EBF3: variants seen among roughly 807,000 people sequenced by gnomAD.
EBF3 encodes EBF transcription factor 3.
A neutral mutation model predicts 77.1 loss-of-function variants in EBF3; 18 were observed. The ratio of observed to expected loss-of-function variants is 0.23; its 90% CI spans 0.16 to 0.35. The LOEUF (loss-of-function observed/expected upper bound fraction) is 0.35, where lower values mean the gene tolerates loss of function less well. Among genes scored for constraint, EBF3 ranks in the 10% least tolerant of loss-of-function variants. EBF3 has a pLI of 1.00. For synonymous variants in EBF3, 350 were observed against 343.5 expected (o/e 1.02, Z -0.21); for missense variants, 558 against 860.0 (o/e 0.65, Z 4.39).
rs1858034424 is a variant in EBF3, at chr10:129,944,544, G to A, written c.554+12714C>T. Among the ~76,000 whole-genome samples the A allele has an allele frequency of 6.6e-6, 1 of 152,168 alleles. No individual in the cohort carries two copies. Among genetic ancestry groups the A allele is most frequent in the African/African-American group, 2.4e-5 (1 of 41,444 alleles). ...CTCTCTTGCCACTGATCCAGCAGAA[G>A]GAAATTTCTGTCATATTTCATTATC... On this transcript the variant is annotated intron_variant, in intron 6 of 16. Transcript: ENST00000440978. This position sits in a 1 kb window ranked among gnomAD's most constrained non-coding sequence, Gnocchi z 5.1.
intron 6 of EBF3, among the ~76,000 whole-genome samples, chr10:129,899,813 C>G (rs1260538416): frequency 6.6e-6 from 1 of 152,200 alleles, no homozygotes; most frequent in Non-Finnish European, 1.5e-5. Flanking sequence ...CAGGATGCTT[C>G]TCTCTCCTCT....
At chr10:129,867,089 T>A in intron 10 of EBF3, 52 bp downstream of exon 10, 18 of 1,585,908 alleles carry the variant, frequency 1.1e-5, no homozygotes, top group East Asian at 2.2e-5. Flanking sequence ...CACCTCCTGG[T>A]GGGGAGGAGG....
intron 6 of EBF3, among the ~76,000 whole-genome samples, chr10:129,890,575 T>C (rs529114140): frequency 6.6e-6 from 1 of 152,370 alleles, no homozygotes; most frequent in East Asian, 1.9e-4. Flanking sequence ...AATATTTTTA[T>C]CATTTGGAAT....
chr10:129,846,355 C>CA (rs890744567), intron 11 of EBF3, among the ~76,000 whole-genome samples: 1 of 151,774 alleles, frequency 6.6e-6, no homozygotes, highest in South Asian at 2.1e-4. Context: ...TACGGAGCTT[C>CA]AAAAAAATTG....
intron 9 of EBF3, 105 bp downstream of exon 9, chr10:129,867,677 G>T: frequency 6.5e-7 from 1 of 1,540,924 alleles, no homozygotes; most frequent in South Asian, 1.2e-5. Flanking sequence ...GTGTTAAAAG[G>T]GGAATTTGCC....
At chr10:129,926,779 G>C (rs970686928) in intron 6 of EBF3, among the ~76,000 whole-genome samples, 2 of 152,250 alleles carry the variant, frequency 1.3e-5, no homozygotes, top group Admixed American at 1.3e-4. Context: ...TGCCTCACTG[G>C]AGGACACACA....
rs1859753432 is a variant in EBF3, at chr10:129,964,156, T to A, written c.-388A>T. On this transcript the variant is annotated 5_prime_UTR_variant, in exon 1 of 17. Transcript: ENST00000440978. The surrounding 1 kb of genome is among the most constrained non-coding windows in gnomAD (Gnocchi z 4.5). ...GCGGCCCGCCTGCTCCAAAGACAAA[T>A]AAACGGGGCAGTGAGTGCTGCGGCG... 2.0e-6 allele frequency: 2 copies of A among 984,686 alleles called. No homozygotes were observed. The highest frequency in any genetic ancestry group is 9.4e-5 in the South Asian group (2 of 21,276). The allele number at this position is 984,686 out of a possible 1,614,324, so 61.0% of individuals were successfully genotyped here. A position where few individuals can be genotyped will look rare whatever the true frequency, so the allele number is the denominator to read the frequency against.
chr10:129,916,103 T>C (rs147969055), intron 6 of EBF3, among the ~76,000 whole-genome samples: 1 of 152,188 alleles, frequency 6.6e-6, no homozygotes, highest in Non-Finnish European at 1.5e-5. Flanking sequence ...CCAGCCATCA[T>C]GGAACAGGAT....
At position 129,836,544 on chromosome 10, in the gene EBF3, A is replaced by AGAT. The variant is rs1564808183; in HGVS notation, c.*1396_*1398dup. ...ACTTTTTTTTCAAAAGTATTTGTTC[A>AGAT]GATAACTTAAAAATAATATAAAAAT... On this transcript the variant is annotated 3_prime_UTR_variant, in exon 17 of 17. Transcript: ENST00000440978. 1 of 152,608 alleles carries AGAT rather than the reference A, an allele frequency of 6.6e-6. No individual in the cohort carries two copies. Among genetic ancestry groups the AGAT allele is most frequent in the African/African-American group, 2.4e-5 (1 of 41,454 alleles). 9.5% of individuals were successfully genotyped at this position (152,608 alleles called of 1,614,324 possible). A position where few individuals can be genotyped will look rare whatever the true frequency, so the allele number is the denominator to read the frequency against.
chr10:129,856,572 A>G (rs940269976), intron 10 of EBF3, among the ~76,000 whole-genome samples: 3 of 152,124 alleles, frequency 2.0e-5, no homozygotes, highest in African/African-American at 7.2e-5. Flanking sequence ...GCCAGGAGCT[A>G]GGGGAGGGCA....
Position 129,879,003 on chromosome 10 carries a change from T to A in EBF3, c.555-1154A>T, listed in dbSNP as rs1853008555. On this transcript the variant is annotated intron_variant, in intron 6 of 16. Transcript: ENST00000440978. This position sits in a 1 kb window ranked among gnomAD's most constrained non-coding sequence, Gnocchi z 4.7. ...TTCCATTTCCCGCCATGCCTTGCCC[T>A]TATGTTTCATGGCATGAAGATTCAG... 6.6e-6 allele frequency among the ~76,000 whole-genome samples: 1 copy of A among 152,124 alleles called. No individual in the cohort carries two copies. The highest frequency in any genetic ancestry group is 2.1e-4 in the South Asian group (1 of 4,822).
chr10:129,890,344 T>C (rs1163796851), intron 6 of EBF3, among the ~76,000 whole-genome samples: 1 of 152,176 alleles, frequency 6.6e-6, no homozygotes, highest in Non-Finnish European at 1.5e-5. Context: ...CAGGCCAGCA[T>C]CGAGATCCCA....
chr10:129,883,605 G>A (rs889925463), intron 6 of EBF3, among the ~76,000 whole-genome samples: 1 of 152,170 alleles, frequency 6.6e-6, no homozygotes, highest in Non-Finnish European at 1.5e-5. Flanking sequence ...GTTCCTGGGG[G>A]CTGCAGAGAG....
rs1589947141 is a variant in EBF3 at position 129,952,167 on chromosome 10, C to T, written c.554+5091G>A. Among the ~76,000 whole-genome samples, 1 of 152,312 alleles carries T rather than the reference C, an allele frequency of 6.6e-6. No individual in the cohort carries two copies. Among genetic ancestry groups the T allele is most frequent in the East Asian group, 1.9e-4 (1 of 5,176 alleles). On this transcript the variant is annotated intron_variant, in intron 6 of 16. Coordinates refer to ENST00000440978, the MANE Select transcript of EBF3 (RefSeq NM_001375380.1). This position sits in a 1 kb window ranked among gnomAD's most constrained non-coding sequence, Gnocchi z 4.7. ...ACCAAAGAGCATCTCCAATGCACAG[C>T]CTCCGCCAAGAGAGGATCTCCAGGA...
At chr10:129,957,445 G>T in intron 5 of EBF3, 119 bp from the exon 6 acceptor site, 1 of 791,478 alleles carries the variant, frequency 1.3e-6, no homozygotes, top group Non-Finnish European at 2.0e-6. Flanking sequence ...TACCAAGGCA[G>T]TTTGGAGAAT....
chr10:129,923,574 C>T (rs986827506), intron 6 of EBF3, among the ~76,000 whole-genome samples: 1 of 152,168 alleles, frequency 6.6e-6, no homozygotes, highest in Non-Finnish European at 1.5e-5. Context: ...GCTGGGAAAG[C>T]TGGACTCCGA....
At chr10:129,898,228 C>T (rs111586194) in intron 6 of EBF3, among the ~76,000 whole-genome samples, 2,477 of 152,296 alleles carry the variant, frequency 0.016, 36 homozygotes, top group Admixed American at 0.033. Flanking sequence ...TAATTAGGTG[C>T]CTTTCACAGA....
rs1239358393 is a variant in EBF3, at chr10:129,870,212, CAT to C, written c.782-2302_782-2301del. On this transcript the variant is annotated intron_variant, in intron 8 of 16. Transcript: ENST00000440978. The surrounding 1 kb of genome is among the most constrained non-coding windows in gnomAD (Gnocchi z 4.4). The stretch of plus-strand genomic sequence containing the variant: ...GCCATCTTCCTTCTGCCTGTATTTG[CAT>C]ACATTTCAGTGCACATATAGAGAGG... 1.3e-5 allele frequency among the ~76,000 whole-genome samples: 2 copies of C among 152,130 alleles called. No homozygotes were observed. The highest frequency in any genetic ancestry group is 2.9e-5 in the Non-Finnish European group (2 of 68,040).
At chr10:129,867,379 A>G in intron 9 of EBF3, 112 bp from the exon 10 acceptor site, 1 of 1,497,522 alleles carries the variant, frequency 6.7e-7, no homozygotes, top group Non-Finnish European at 9.0e-7. Context: ...ATCGTCTTGG[A>G]ATGCCCCCTC....
Sources: allele counts gnomAD v4.1 joint callset (sites outside exome capture counted in the v4.1 genomes callset), GRCh38; gene constraint gnomAD v4.1.1; non-coding constraint Gnocchi (gnomAD v3.1); transcripts MANE v1.5; gene names NCBI Gene and HGNC (gene_info 2026-07-23, HGNC 2026-07-21).